PPP2R2A: variants seen among roughly 807,000 people sequenced by gnomAD.
The protein encoded by PPP2R2A is protein phosphatase 2 regulatory subunit Balpha, also known as serine/threonine-protein phosphatase 2A 55 kDa regulatory subunit B alpha isoform.
PPP2R2A carries 9 observed loss-of-function variants against 53.2 expected under a neutral mutation model. That is an observed-to-expected ratio of 0.17 (90% CI 0.10 to 0.30). The LOEUF (loss-of-function observed/expected upper bound fraction) is 0.30. PPP2R2A is among the 10% of genes least tolerant of loss of function. PPP2R2A has a pLI of 1.00. For synonymous variants in PPP2R2A, 169 were observed against 174.2 expected, an observed-to-expected ratio of 0.97 and a Z score of 0.23; for missense variants, 235 against 534.6, an observed-to-expected ratio of 0.44 and a Z score of 5.53.
At chr8:26,302,901 T>G (rs979763567) in intron 2 of PPP2R2A, among the ~76,000 whole-genome samples, 2 of 152,226 alleles carry the variant, frequency 1.3e-5, no homozygotes, top group Admixed American at 6.5e-5. Flanking sequence ...GAAGAAATAT[T>G]TTAAAGTTTA....
chr8:26,294,794 T>C (rs1801473014), intron 2 of PPP2R2A, among the ~76,000 whole-genome samples: 1 of 152,150 alleles, frequency 6.6e-6, no homozygotes, highest in African/African-American at 2.4e-5. Context: ...AATTGTCTGT[T>C]TTAGAGTGTG....
Position 26,291,519 on chromosome 8 carries a change from C to G in PPP2R2A, c.-301C>G. On this transcript the variant is annotated 5_prime_UTR_variant, in exon 1 of 10. Coordinates refer to ENST00000380737, the MANE Select transcript of PPP2R2A (RefSeq NM_002717.4). ...TGACGTCACTGGCCAGGCCAGCCGG[C>G]GCCATTTTGAAAGTGGAGTCGCCTG... 2.4e-6 allele frequency: 1 copy of G among 411,160 alleles called. No individual in the cohort carries two copies. 25.5% of individuals were successfully genotyped at this position (411,160 alleles called of 1,614,324 possible).
intron 2 of PPP2R2A, among the ~76,000 whole-genome samples, chr8:26,332,740 A>G (rs1187962174): frequency 2.0e-5 from 3 of 152,222 alleles, no homozygotes; most frequent in African/African-American, 7.2e-5. Context: ...AGTAACTGTA[A>G]TGTGGTCATT....
At chr8:26,317,077 T>C (rs1228818199) in intron 2 of PPP2R2A, among the ~76,000 whole-genome samples, 3 of 152,230 alleles carry the variant, frequency 2.0e-5, no homozygotes, top group African/African-American at 7.2e-5. Context: ...CTGTTACTAG[T>C]AGTACAACAT....
chr8:26,368,453 G>A (rs964071445), intron 9 of PPP2R2A, among the ~76,000 whole-genome samples: 10 of 152,120 alleles, frequency 6.6e-5, no homozygotes, highest in Non-Finnish European at 1.3e-4. Context: ...AATAAATGTC[G>A]AGCAGTAATG....
chr8:26,311,907 G>A (rs73215699), intron 2 of PPP2R2A, among the ~76,000 whole-genome samples: 6,670 of 152,222 alleles, frequency 0.044, 186 homozygotes, highest in South Asian at 0.12. Flanking sequence ...CTCATAGCAG[G>A]GAGGGATGGA....
intron 2 of PPP2R2A, among the ~76,000 whole-genome samples, chr8:26,312,840 C>T (rs1336189781): frequency 2.6e-5 from 4 of 152,098 alleles, no homozygotes; most frequent in Non-Finnish European, 4.4e-5. Context: ...TACCAGCTAT[C>T]TAAGTTTAAT....
rs1032802766 is a variant in PPP2R2A at position 26,349,657 on chromosome 8, T to C, written c.181-4811T>C. On this transcript the variant is annotated intron_variant, in intron 3 of 9. Coordinates refer to ENST00000380737, the MANE Select transcript of PPP2R2A (RefSeq NM_002717.4). ...AAAAGTACATAAAATACTAGCAGATTATTACATAGCAAACATTTAGGTCAA... is the reference window on the plus strand; with the variant it reads ...AAAAGTACATAAAATACTAGCAGATCATTACATAGCAAACATTTAGGTCAA... Among the ~76,000 whole-genome samples, 4 of 152,354 alleles carry C rather than the reference T, an allele frequency of 2.6e-5. No individual in the cohort carries two copies. The South Asian group carries it at 8.3e-4, about 32-fold the overall frequency.
intron 3 of PPP2R2A, among the ~76,000 whole-genome samples, chr8:26,351,634 C>T (rs1323000629): frequency 6.6e-6 from 1 of 152,088 alleles, no homozygotes; most frequent in South Asian, 2.1e-4. Flanking sequence ...GGGAAGGGGT[C>T]GAGCTTCATT....
At chr8:26,336,382 T>G (rs1024977309) in intron 2 of PPP2R2A, among the ~76,000 whole-genome samples, 7 of 152,042 alleles carry the variant, frequency 4.6e-5, no homozygotes, top group Non-Finnish European at 1.0e-4. Flanking sequence ...TGAGGTATGA[T>G]TGAACCACTG....
intron 4 of PPP2R2A, among the ~76,000 whole-genome samples, chr8:26,355,235 C>T (rs879344302): frequency 6.6e-6 from 1 of 152,076 alleles, no homozygotes; most frequent in Admixed American, 6.6e-5. Flanking sequence ...GAAGGAGATT[C>T]CTCTCCTACT....
rs543068543 is a variant in PPP2R2A at position 26,347,372 on chromosome 8, T to C, written c.181-7096T>C. The stretch of plus-strand genomic sequence containing the variant: ...GCTAGCATCTGAGCAAGGCACAGTT[T>C]TCGTGTGGGGTGTTTGTGTGTGTCC... On this transcript the variant is annotated intron_variant, in intron 3 of 9. Coordinates refer to ENST00000380737, the MANE Select transcript of PPP2R2A (RefSeq NM_002717.4). 5.2e-4 allele frequency among the ~76,000 whole-genome samples: 79 copies of C among 151,772 alleles called. 1 individual carries two copies. The highest frequency in any genetic ancestry group is 5.9e-5 in the Non-Finnish European group (4 of 67,902).
intron 2 of PPP2R2A, chr8:26,333,438 A>G: frequency 3.5e-6 from 3 of 847,772 alleles, no homozygotes; most frequent in East Asian, 6.5e-5. Flanking sequence ...AAAATTATAT[A>G]GGTAATACAG....
intron 2 of PPP2R2A, among the ~76,000 whole-genome samples, chr8:26,331,757 T>G (rs1450710062): frequency 3.3e-5 from 5 of 152,364 alleles, no homozygotes; most frequent in African/African-American, 9.6e-5. Context: ...GTATTTGGAA[T>G]ACAGAATTTT....
At chr8:26,306,946 T>C (rs530380801) in intron 2 of PPP2R2A, among the ~76,000 whole-genome samples, 24 of 152,264 alleles carry the variant, frequency 1.6e-4, no homozygotes, top group Non-Finnish European at 3.2e-4. Context: ...AGGTTTCTTA[T>C]ATATCATTCC....
At position 26,371,107 on chromosome 8, in the gene PPP2R2A, T is replaced by C. The variant is rs763972265; in HGVS notation, c.*694T>C. On this transcript the variant is annotated 3_prime_UTR_variant, in exon 10 of 10. Coordinates refer to ENST00000380737, the MANE Select transcript of PPP2R2A (RefSeq NM_002717.4). ...AAAATAAGGAAAAAAAACCTACTACTGAATAAAAGTGACAAAGAATGGAGA... is the reference window on the plus strand; with the variant it reads ...AAAATAAGGAAAAAAAACCTACTACCGAATAAAAGTGACAAAGAATGGAGA... 3.3e-5 allele frequency: 5 copies of C among 152,628 alleles called. No individual in the cohort carries two copies. Among genetic ancestry groups the C allele is most frequent in the Non-Finnish European group, 7.3e-5 (5 of 68,036 alleles). The allele number at this position is 152,628 out of a possible 1,614,324, so 9.5% of individuals were successfully genotyped here.
chr8:26,370,533 G>A lies in PPP2R2A; in HGVS notation c.*120G>A. On this transcript the variant is annotated 3_prime_UTR_variant, in exon 10 of 10. Coordinates refer to ENST00000380737, the MANE Select transcript of PPP2R2A (RefSeq NM_002717.4). The surrounding 1 kb of genome is among the most constrained non-coding windows in gnomAD (Gnocchi z 6.1). Reference sequence around the variant, plus strand: ...GCCCCTTTCCAGTGTTTGACAGTGTGCCATTCGACAACACATTGTTATAGC... The same window carrying A: ...GCCCCTTTCCAGTGTTTGACAGTGTACCATTCGACAACACATTGTTATAGC... 8.7e-7 allele frequency: 1 copy of A among 1,145,638 alleles called. No individual in the cohort carries two copies. Among genetic ancestry groups the A allele is most frequent in the Admixed American group, 2.2e-5 (1 of 44,936 alleles). 71.0% of individuals were successfully genotyped at this position (1,145,638 alleles called of 1,614,324 possible).
chr8:26,296,729 G>A (rs377183124), intron 2 of PPP2R2A, among the ~76,000 whole-genome samples: 4 of 152,146 alleles, frequency 2.6e-5, no homozygotes, highest in African/African-American at 7.2e-5. Flanking sequence ...ATGAAGGAAC[G>A]TAAATGTTAT....
At position 26,291,677 on chromosome 8, in the gene PPP2R2A, T is replaced by TGCCCCCCCC; in HGVS notation, c.-143_-142insGCCCCCCCC. On this transcript the variant is annotated 5_prime_UTR_variant, in exon 1 of 10. Transcript: ENST00000380737. ...TGGTCTGCCCGCCCCTCCTTCCTTT[T>TGCCCCCCCC]CCCCCCGGCCCCCGTCCCCTCCCCC... The TGCCCCCCCC allele has an allele frequency of 2.0e-5, 9 of 451,620 alleles. No homozygotes were observed. The highest frequency in any genetic ancestry group is 3.3e-5 in the Non-Finnish European group (8 of 242,348). 28.0% of individuals were successfully genotyped at this position (451,620 alleles called of 1,614,324 possible).
Sources: gnomAD v4.1 joint callset for allele counts (sites outside exome capture counted in the v4.1 genomes callset) on GRCh38, gnomAD v4.1.1 for gene constraint, Gnocchi (gnomAD v3.1) non-coding constraint, MANE v1.5 for transcripts, NCBI Gene and HGNC (gene_info 2026-07-23, HGNC 2026-07-21) for gene names.